Variants in SP3 observed in about 807,000 individuals in gnomAD.
SP3 encodes Sp3 transcription factor.
Under a neutral mutation model 70.3 loss-of-function variants are expected in SP3, and 10 were observed. The observed-to-expected ratio is 0.14, with a 90% CI of 0.09 to 0.24. The LOEUF is 0.24. Among genes scored for constraint, SP3 ranks in the 10% least tolerant of loss-of-function variants. The pLI, the probability that SP3 is intolerant of heterozygous loss-of-function variation, is 1.00. For missense variants in SP3, 825 were observed against 914.6 expected, an observed-to-expected ratio of 0.90 and a Z score of 1.26; for synonymous variants, 402 against 333.5, an observed-to-expected ratio of 1.21 and a Z score of -2.24.
At chr2:173,956,259 A>G (rs1690891078) in intron 3 of SP3, 27 bp from the exon 4 acceptor site, 6 of 1,542,288 alleles carry the variant, frequency 3.9e-6, no homozygotes, top group Admixed American at 2.1e-5. Context: ...AAAAGGTGAT[A>G]TATTTGTGGT....
chr2:173,924,888 T>C (rs1196928011), intron 4 of SP3, among the ~76,000 whole-genome samples: 1 of 152,178 alleles, frequency 6.6e-6, no homozygotes, highest in African/African-American at 2.4e-5. Flanking sequence ...AGTACATACA[T>C]AGACTATTTT....
chr2:173,922,358 G>T lies in SP3; in HGVS notation c.1640-3573C>A, dbSNP rs141951681. On this transcript the variant is annotated intron_variant, in intron 4 of 6. Transcript: ENST00000310015. Reference sequence around the variant, plus strand: ...GCCATTAACTGAGATATGGTAAACTGAAGGTAGAAAAGATTGCAGGGGAGG... The same window carrying T: ...GCCATTAACTGAGATATGGTAAACTTAAGGTAGAAAAGATTGCAGGGGAGG... 7.5e-4 allele frequency among the ~76,000 whole-genome samples: 114 copies of T among 151,776 alleles called. 5 individuals are homozygous for T. In the South Asian group the frequency reaches 0.024, roughly 32 times the overall value.
intron 4 of SP3, among the ~76,000 whole-genome samples, chr2:173,954,623 AAATT>A (rs1434453202): frequency 9.2e-5 from 14 of 152,330 alleles, no homozygotes; most frequent in African/African-American, 1.9e-4. Context: ...AACAAATATA[AAATT>A]AAGAAAAAAC....
At chr2:173,927,417 C>T (rs1042115983) in intron 4 of SP3, among the ~76,000 whole-genome samples, 1 of 151,906 alleles carries the variant, frequency 6.6e-6, no homozygotes, top group Non-Finnish European at 1.5e-5. Context: ...GCTGGGACTA[C>T]AAGTGTCCGC....
chr2:173,920,847 T>C (rs970421566), intron 4 of SP3, among the ~76,000 whole-genome samples: 1 of 152,070 alleles, frequency 6.6e-6, no homozygotes, highest in East Asian at 1.9e-4. Context: ...CACCTCAGCC[T>C]CCCAAAGTGC....
chr2:173,929,506 T>C lies in SP3; in HGVS notation c.1640-10721A>G, dbSNP rs201782591. Among the ~76,000 whole-genome samples, 24 of 152,228 alleles carry C rather than the reference T, an allele frequency of 1.6e-4. No homozygotes were observed. The East Asian group carries it at 4.4e-3, about 28-fold the overall frequency. ...TATCTACTTCCCTTCACACACACAA[T>C]ACACACTGACAGAATATAAAAAATG... On this transcript the variant is annotated intron_variant, in intron 4 of 6. Transcript: ENST00000310015.
intron 4 of SP3, among the ~76,000 whole-genome samples, chr2:173,926,740 CTAAG>C (rs1689920858): frequency 2.0e-5 from 3 of 152,060 alleles, no homozygotes; most frequent in African/African-American, 7.2e-5. Context: ...ATTCTATTAA[CTAAG>C]TCATTCCAAT....
In SP3 at chr2:173,903,049, A is replaced by C. The variant is rs1689218170; in HGVS notation, c.*6892T>G. ...TTCATAATAAAAAAGGCACAATACGAATACTAGCAGTTTCGTTAATAAATG... is the reference window on the plus strand; with the variant it reads ...TTCATAATAAAAAAGGCACAATACGCATACTAGCAGTTTCGTTAATAAATG... On this transcript the variant is annotated 3_prime_UTR_variant, in exon 7 of 7. Coordinates refer to ENST00000310015, the MANE Select transcript of SP3 (RefSeq NM_003111.5). Among the ~76,000 whole-genome samples the C allele has an allele frequency of 6.6e-6, 1 of 152,256 alleles. No homozygotes were observed. Among genetic ancestry groups the C allele is most frequent in the African/African-American group, 2.4e-5 (1 of 41,468 alleles).
At chr2:173,932,914 T>C (rs1406524835) in intron 4 of SP3, among the ~76,000 whole-genome samples, 1 of 151,812 alleles carries the variant, frequency 6.6e-6, no homozygotes, top group African/African-American at 2.4e-5. Flanking sequence ...ATGGCCTGAA[T>C]CCCAGAGGCA....
chr2:173,903,064 G>A lies in SP3; in HGVS notation c.*6877C>T, dbSNP rs1689218364. Among the ~76,000 whole-genome samples, 1 of 152,182 alleles carries A rather than the reference G, an allele frequency of 6.6e-6. No individual in the cohort carries two copies. The highest frequency in any genetic ancestry group is 1.5e-5 in the Non-Finnish European group (1 of 68,028). On this transcript the variant is annotated 3_prime_UTR_variant, in exon 7 of 7. Transcript: ENST00000310015. The stretch of plus-strand genomic sequence containing the variant: ...GCACAATACGAATACTAGCAGTTTC[G>A]TTAATAAATGTTGGCTGACAATTAG...
chr2:173,946,532 T>G (rs1448516894), intron 4 of SP3, among the ~76,000 whole-genome samples: 1 of 152,130 alleles, frequency 6.6e-6, no homozygotes, highest in Non-Finnish European at 1.5e-5. Flanking sequence ...TTTTCCTACT[T>G]AATCCTACAG....
At chr2:173,931,878 T>C (rs534898029) in intron 4 of SP3, among the ~76,000 whole-genome samples, 1 of 152,336 alleles carries the variant, frequency 6.6e-6, no homozygotes, top group East Asian at 1.9e-4. Flanking sequence ...TAGGCTTTGG[T>C]TTAAAGGAAT....
chr2:173,955,293 T>G lies in SP3; in HGVS notation c.1219A>C (p.Thr407Pro). ...CCTTGCACAATTTGGGCTTGACTGG[T>G]TGGCTGCTGAGACTCTTGAAGTTGT... Reference protein sequence around the residue: ...HLQLQESQQPTSQAQIVQGIT... With the variant: ...HLQLQESQQPPSQAQIVQGIT... Residue 407 changes from threonine (T) to proline (P), a missense_variant, in exon 4 of 7, where the codon ACC becomes CCC. Thr to Pro is a conservative substitution (Grantham distance 38). Coordinates refer to ENST00000310015, the MANE Select transcript of SP3 (RefSeq NM_003111.5). 6.2e-7 allele frequency: 1 copy of G among 1,614,142 alleles called. No homozygotes were observed. The highest frequency in any genetic ancestry group is 8.5e-7 in the Non-Finnish European group (1 of 1,180,024).
At chr2:173,958,707 A>G (rs1434181438) in intron 3 of SP3, among the ~76,000 whole-genome samples, 1 of 152,028 alleles carries the variant, frequency 6.6e-6, no homozygotes, top group East Asian at 1.9e-4. Context: ...AATGGAATGG[A>G]AAAAACACAT....
intron 5 of SP3, among the ~76,000 whole-genome samples, chr2:173,918,082 G>T (rs1170873735): frequency 2.7e-5 from 4 of 150,256 alleles, no homozygotes; most frequent in Admixed American, 1.3e-4. Context: ...TGATCATTTT[G>T]AGTTTACTCC....
intron 4 of SP3, among the ~76,000 whole-genome samples, chr2:173,919,584 T>C (rs1689692780): frequency 6.6e-6 from 1 of 152,100 alleles, no homozygotes; most frequent in African/African-American, 2.4e-5. Flanking sequence ...TCCATCAAAA[T>C]GACCCATAAA....
intron 4 of SP3, among the ~76,000 whole-genome samples, chr2:173,925,370 T>G (rs1272932335): frequency 6.6e-6 from 1 of 152,022 alleles, no homozygotes; most frequent in Non-Finnish European, 1.5e-5. Flanking sequence ...CTTAAAGTAG[T>G]CAAAATCATA....
chr2:173,950,604 T>C (rs954179709), intron 4 of SP3, among the ~76,000 whole-genome samples: 2 of 149,518 alleles, frequency 1.3e-5, no homozygotes, highest in Non-Finnish European at 3.0e-5. Flanking sequence ...GAGATCACAA[T>C]GCGTTATAAT....
At chr2:173,924,649 G>C (rs1342898135) in intron 4 of SP3, among the ~76,000 whole-genome samples, 1 of 152,134 alleles carries the variant, frequency 6.6e-6, no homozygotes, top group African/African-American at 2.4e-5. Context: ...TAGTTTGCCT[G>C]AAGTCACACA....
Sources: allele counts gnomAD v4.1 joint callset (sites outside exome capture counted in the v4.1 genomes callset), GRCh38; gene constraint gnomAD v4.1.1; transcripts MANE v1.5; gene names NCBI Gene and HGNC (gene_info 2026-07-23, HGNC 2026-07-21).